The following OGDH variants were observed in gnomAD, a reference collection of about 807,000 sequenced individuals.
OGDH encodes 2-oxoglutarate dehydrogenase complex component E1.
In OGDH, 38 loss-of-function variants were observed where a neutral mutation model predicts 116.6. That is an observed-to-expected ratio of 0.33 (90% CI 0.25 to 0.43). The LOEUF (loss-of-function observed/expected upper bound fraction) is 0.43. Among genes scored for constraint, OGDH ranks in the 20% least tolerant of loss-of-function variants. OGDH has a pLI of 1.00. For missense variants in OGDH, 825 were observed against 1,357.2 expected, an observed-to-expected ratio of 0.61 and a Z score of 6.16; for synonymous variants, 488 against 533.3, an observed-to-expected ratio of 0.92 and a Z score of 1.17.
intron 1 of OGDH, among the ~76,000 whole-genome samples, 166 bp from the exon 2 acceptor site, chr7:44,624,151 C>T (rs1785107159): frequency 6.6e-6 from 1 of 151,692 alleles, no homozygotes; most frequent in Non-Finnish European, 1.5e-5. Flanking sequence ...GGTCTTTCTC[C>T]TCAACAATTA....
intron 1 of OGDH, among the ~76,000 whole-genome samples, chr7:44,616,755 G>GTATA (rs562422788): frequency 7.7e-6 from 1 of 129,926 alleles, no homozygotes; most frequent in African/African-American, 3.4e-5. Flanking sequence ...GTGTATATGT[G>GTATA]TATATATATA....
At chr7:44,606,778 C>T (rs1416554729) in intron 1 of OGDH, 125 bp downstream of exon 1, 1 of 152,370 alleles carries the variant, frequency 6.6e-6, no homozygotes, top group Non-Finnish European at 1.5e-5. Context: ...GCCGCGGTGA[C>T]AGGGGAGTGG....
At chr7:44,673,731 C>T in intron 5 of OGDH, 56 bp from the exon 6 acceptor site, 1 of 1,583,206 alleles carries the variant, frequency 6.3e-7, no homozygotes, top group South Asian at 1.1e-5. Flanking sequence ...CGGCAGTCTT[C>T]ATTCAGCCAG....
chr7:44,677,185 T>C (rs1416328581), intron 9 of OGDH, among the ~76,000 whole-genome samples: 1 of 152,328 alleles, frequency 6.6e-6, no homozygotes, highest in Admixed American at 6.5e-5. Context: ...TAATGTCTTA[T>C]GTATGGGTTC....
chr7:44,696,911 C>T lies in OGDH; in HGVS notation c.1901-3C>T, dbSNP rs764105957. 19 of 1,605,524 alleles carry T rather than the reference C, an allele frequency of 1.2e-5. No homozygotes were observed. Among genetic ancestry groups the T allele is most frequent in the South Asian group, 7.8e-5 (7 of 90,274 alleles). On this transcript the variant is annotated splice_region_variant and splice_polypyrimidine_tract_variant and intron_variant, in intron 14 of 22. Coordinates refer to ENST00000222673, the MANE Select transcript of OGDH (RefSeq NM_002541.4). ...GCAGCTGGTGAGAGCTGTGTCTCTGCAGGGCTGAGCCGGATCTTGAAGACT... is the reference window on the plus strand; with the variant it reads ...GCAGCTGGTGAGAGCTGTGTCTCTGTAGGGCTGAGCCGGATCTTGAAGACT...
chr7:44,684,796 AT>A (rs113061795), intron 10 of OGDH, among the ~76,000 whole-genome samples: 31 of 147,340 alleles, frequency 2.1e-4, no homozygotes, highest in Non-Finnish European at 2.0e-4. Flanking sequence ...GTTTTTTTCT[AT>A]TTTTTTTTTT....
chr7:44,627,634 C>G (rs1037850893), intron 2 of OGDH, among the ~76,000 whole-genome samples: 1 of 152,134 alleles, frequency 6.6e-6, no homozygotes, highest in Non-Finnish European at 1.5e-5. Context: ...TCTTCCTCTC[C>G]TGCCCTTTGG....
At chr7:44,665,662 A>C (rs1397665506) in intron 4 of OGDH, among the ~76,000 whole-genome samples, 1 of 152,224 alleles carries the variant, frequency 6.6e-6, no homozygotes, top group Admixed American at 6.5e-5. Context: ...AGAACATTTC[A>C]TCAGGTCTAG....
At chr7:44,683,333 A>T (rs73329026) in intron 10 of OGDH, among the ~76,000 whole-genome samples, 13,980 of 152,078 alleles carry the variant, frequency 0.092, 1,300 homozygotes, top group East Asian at 0.36. Context: ...GGACTCAAGC[A>T]TCTTCCTGCC....
chr7:44,701,661 G>A, intron 20 of OGDH, 46 bp downstream of exon 20: 1 of 1,541,754 alleles, frequency 6.5e-7, no homozygotes, highest in Non-Finnish European at 9.0e-7. Context: ...AGCTATGTTT[G>A]GGGCTTCTTT....
rs779369089 is a variant in OGDH at position 44,694,015 on chromosome 7, C to A, written c.1515+11C>A. The stretch of plus-strand genomic sequence containing the variant: ...GTGGTTGTCGATTTGGTGAGTGACT[C>A]TGGGGACAGCACGTCCTGGGCAGAG... On this transcript the variant is annotated intron_variant, in intron 11 of 22. Coordinates refer to ENST00000222673, the MANE Select transcript of OGDH (RefSeq NM_002541.4). The surrounding 1 kb of genome is among the most constrained non-coding windows in gnomAD (Gnocchi z 4.2). 6.2e-7 allele frequency: 1 copy of A among 1,607,254 alleles called. No individual in the cohort carries two copies. Among genetic ancestry groups the A allele is most frequent in the East Asian group, 2.2e-5 (1 of 44,720 alleles).
chr7:44,707,499 G>A lies in OGDH; in HGVS notation c.2797-83G>A. The A allele has an allele frequency of 4.4e-6, 7 of 1,596,774 alleles. No individual in the cohort carries two copies. The highest frequency in any genetic ancestry group is 6.0e-6 in the Non-Finnish European group (7 of 1,170,720). On this transcript the variant is annotated intron_variant, in intron 21 of 22. Transcript: ENST00000222673. The surrounding 1 kb of genome is among the most constrained non-coding windows in gnomAD (Gnocchi z 5.2). ...GGCCCTCAGGTTCCTGACCTTCCCT[G>A]CTCGGAACACCAGTTTCCCTTTGCT...
At chr7:44,611,099 C>T (rs117969448) in intron 1 of OGDH, among the ~76,000 whole-genome samples, 3,240 of 138,086 alleles carry the variant, frequency 0.023, 82 homozygotes, top group East Asian at 0.077. Flanking sequence ...TTTGGAGACA[C>T]GGTCTTACTC....
chr7:44,612,381 G>A (rs1443157544), intron 1 of OGDH, among the ~76,000 whole-genome samples: 2 of 151,652 alleles, frequency 1.3e-5, no homozygotes, highest in African/African-American at 4.8e-5. Context: ...TAGTTCTTTT[G>A]CCTTTCTTTT....
At chr7:44,692,082 T>C (rs1788389576) in intron 10 of OGDH, among the ~76,000 whole-genome samples, 1 of 151,654 alleles carries the variant, frequency 6.6e-6, no homozygotes, top group East Asian at 1.9e-4. Flanking sequence ...AGTAGGAGTG[T>C]AAGTAGAACA....
intron 10 of OGDH, among the ~76,000 whole-genome samples, chr7:44,688,832 C>T (rs1316353934): frequency 6.6e-6 from 1 of 152,078 alleles, no homozygotes; most frequent in African/African-American, 2.4e-5. Flanking sequence ...TCACTGCAAC[C>T]TCCACTTCCC....
chr7:44,614,438 T>G (rs1355411556), intron 1 of OGDH, among the ~76,000 whole-genome samples: 1 of 152,122 alleles, frequency 6.6e-6, no homozygotes, highest in African/African-American at 2.4e-5. Flanking sequence ...TTGTAGCCAT[T>G]ATTTCTTTGA....
chr7:44,650,310 C>T (rs891201712), intron 4 of OGDH, among the ~76,000 whole-genome samples: 6 of 152,136 alleles, frequency 3.9e-5, no homozygotes, highest in Admixed American at 1.3e-4. Flanking sequence ...CAAGACCCGT[C>T]GTCTCATTTG....
intron 4 of OGDH, among the ~76,000 whole-genome samples, chr7:44,663,147 A>C (rs1787022351): frequency 6.6e-6 from 1 of 152,084 alleles, no homozygotes; most frequent in Non-Finnish European, 1.5e-5. Context: ...CAGATTGGTT[A>C]ATTTCTGTTG....
Sources: gnomAD v4.1 joint callset for allele counts (sites outside exome capture counted in the v4.1 genomes callset) on GRCh38, gnomAD v4.1.1 for gene constraint, Gnocchi (gnomAD v3.1) non-coding constraint, MANE v1.5 for transcripts, NCBI Gene and HGNC (gene_info 2026-07-23, HGNC 2026-07-21) for gene names.